MERTK: variants seen among roughly 807,000 people sequenced by gnomAD.
MERTK encodes the protein MER proto-oncogene, tyrosine kinase.
MERTK carries 69 observed loss-of-function variants against 99.3 expected under a neutral mutation model. The observed-to-expected ratio is 0.70, with a 90% CI of 0.57 to 0.85. MERTK has a LOEUF of 0.85. Ranked by LOEUF, MERTK falls within the 40% of genes least tolerant of loss-of-function variation. MERTK has a pLI of 0.00. For missense variants in MERTK, 1,125 were observed against 1,249.4 expected (o/e 0.90, Z 1.50); for synonymous variants, 426 against 467.6 (o/e 0.91, Z 1.15).
intron 2 of MERTK, among the ~76,000 whole-genome samples, chr2:111,932,414 C>T (rs1684690526): frequency 6.6e-6 from 1 of 152,176 alleles, no homozygotes; most frequent in Admixed American, 6.5e-5. Context: ...ATCTCCTGAC[C>T]TCGTGATCCA....
chr2:111,944,534 G>GTTTTAAGGAATTATTCC (rs1573589856), intron 2 of MERTK, among the ~76,000 whole-genome samples: 1 of 23,604 alleles, frequency 4.2e-5, no homozygotes, highest in Non-Finnish European at 9.5e-5. Context: ...TAAGGAATTA[G>GTTTTAAGGAATTATTCC]CTCACACACA....
intron 4 of MERTK, 85 bp downstream of exon 4, chr2:111,947,652 G>C (rs760587134): frequency 6.8e-7 from 1 of 1,472,514 alleles, no homozygotes; most frequent in Admixed American, 1.7e-5. Flanking sequence ...TGCACCACTA[G>C]CAGGCAGTGG....
intron 15 of MERTK, among the ~76,000 whole-genome samples, chr2:112,014,341 T>C (rs1173829301): frequency 1.3e-5 from 2 of 152,048 alleles, no homozygotes; most frequent in Non-Finnish European, 2.9e-5. Flanking sequence ...AATTTTGTAT[T>C]TTTAGTAGAG....
chr2:111,983,583 A>G (rs1243986893), intron 8 of MERTK, among the ~76,000 whole-genome samples: 2 of 152,222 alleles, frequency 1.3e-5, no homozygotes, highest in Admixed American at 1.3e-4. Flanking sequence ...ACTACATAAC[A>G]CAACCAGGTG....
chr2:111,977,946 CTTTT>C, intron 7 of MERTK, among the ~76,000 whole-genome samples: 1 of 151,904 alleles, frequency 6.6e-6, no homozygotes, highest in East Asian at 1.9e-4. Flanking sequence ...AATTACTTTC[CTTTT>C]TTCTTTCTTT....
chr2:111,903,939 G>A (rs1684091261), intron 1 of MERTK, among the ~76,000 whole-genome samples: 1 of 152,238 alleles, frequency 6.6e-6, no homozygotes, highest in African/African-American at 2.4e-5. Flanking sequence ...AAGGTGTTGG[G>A]AGGAGGGTTC....
At chr2:112,000,211 G>A (rs1489969323) in intron 10 of MERTK, among the ~76,000 whole-genome samples, 1 of 152,150 alleles carries the variant, frequency 6.6e-6, no homozygotes, top group African/African-American at 2.4e-5. Flanking sequence ...AGGTCACAGG[G>A]GATATGATGG....
rs187477162 is a variant in MERTK at position 111,957,127 on chromosome 2, C to G, written c.758-8064C>G. Reference sequence around the variant, plus strand: ...TATTTTTAATAGAGGTGGGGTTTCACCGTGTTAGCCAGGATGGTCTCGATC... The same window carrying G: ...TATTTTTAATAGAGGTGGGGTTTCAGCGTGTTAGCCAGGATGGTCTCGATC... On this transcript the variant is annotated intron_variant, in intron 4 of 18. Coordinates refer to ENST00000295408, the MANE Select transcript of MERTK (RefSeq NM_006343.3). Among the ~76,000 whole-genome samples, 214 of 151,914 alleles carry G rather than the reference C, an allele frequency of 1.4e-3. 2 individuals carry two copies. Among genetic ancestry groups the G allele is most frequent in the African/African-American group, 4.6e-3 (191 of 41,400 alleles).
intron 7 of MERTK, 30 bp from the exon 8 acceptor site, chr2:111,982,812 T>C (rs1676398797): frequency 6.2e-7 from 1 of 1,612,572 alleles, no homozygotes. Flanking sequence ...TTTGTGGTTC[T>C]TCATTCTTCT....
chr2:111,969,233 A>G (rs1278401680), intron 6 of MERTK, among the ~76,000 whole-genome samples: 2 of 152,292 alleles, frequency 1.3e-5, no homozygotes, highest in East Asian at 1.9e-4. Context: ...CACACGCTGC[A>G]CTGCAGGCTC....
intron 1 of MERTK, among the ~76,000 whole-genome samples, chr2:111,910,610 G>GTGTGTGTGTATA (rs370882764): frequency 2.4e-4 from 35 of 143,660 alleles, no homozygotes; most frequent in African/African-American, 5.7e-4. Flanking sequence ...GTGTGTGTGT[G>GTGTGTGTGTATA]TATATATATA....
At chr2:111,912,012 T>G (rs531290672) in intron 1 of MERTK, among the ~76,000 whole-genome samples, 3 of 151,540 alleles carry the variant, frequency 2.0e-5, no homozygotes, top group Non-Finnish European at 4.4e-5. Context: ...TTTATTTATT[T>G]ATTTATTTAT....
chr2:111,989,818 CTG>C (rs1370183295), intron 8 of MERTK, among the ~76,000 whole-genome samples: 4 of 152,236 alleles, frequency 2.6e-5, no homozygotes, highest in Admixed American at 2.6e-4. Flanking sequence ...TCAAGATACA[CTG>C]TGTCTTATCT....
At chr2:112,001,593 ACTTC>A (rs1422683453) in intron 11 of MERTK, among the ~76,000 whole-genome samples, 3 of 152,150 alleles carry the variant, frequency 2.0e-5, no homozygotes. Flanking sequence ...TTTAAAGAAA[ACTTC>A]TAACTAGTGA....
At chr2:111,915,574 AT>A (rs1684335772) in intron 1 of MERTK, among the ~76,000 whole-genome samples, 1 of 32,462 alleles carries the variant, frequency 3.1e-5, no homozygotes, top group Admixed American at 4.8e-4. Context: ...ATTTTTTAAA[AT>A]TTTTTTCTTG....
At chr2:112,028,119 C>T (rs6723394) in intron 18 of MERTK, 28,684 of 576,700 alleles carry the variant, frequency 0.05, 1,278 homozygotes, top group African/African-American at 0.18. Context: ...TTAGATATAA[C>T]TGCCACATAT....
intron 8 of MERTK, 41 bp from the exon 9 acceptor site, chr2:111,994,210 A>C: frequency 6.2e-7 from 1 of 1,611,772 alleles, no homozygotes; most frequent in Non-Finnish European, 8.5e-7. Context: ...GTTTGCCCAG[A>C]CCTCAGTGTT....
chr2:111,906,515 A>C (rs1362295728), intron 1 of MERTK, among the ~76,000 whole-genome samples: 1 of 152,160 alleles, frequency 6.6e-6, no homozygotes, highest in African/African-American at 2.4e-5. Context: ...ACTTAACTGA[A>C]AGTTGTTTTC....
rs1573577971 is a variant in MERTK at position 111,929,329 on chromosome 2, C to T, written c.271C>T (p.Leu91=). Residue 91 remains leucine, a synonymous_variant, in exon 2 of 19, where the codon CTA becomes TTA. Transcript: ENST00000295408. ...PQVTSVESKP[L]PPLAFKHTVG... Reference sequence around the variant, plus strand: ...GGTGACCTCTGTCGAATCAAAGCCCCTACCGCCTCTTGCCTTCAAACACAC... The same window carrying T: ...GGTGACCTCTGTCGAATCAAAGCCCTTACCGCCTCTTGCCTTCAAACACAC... The T allele has an allele frequency of 6.2e-7, 1 of 1,614,198 alleles. No individual in the cohort carries two copies. Among genetic ancestry groups the T allele is most frequent in the Non-Finnish European group, 8.5e-7 (1 of 1,180,034 alleles).
Sources: gnomAD v4.1 joint callset for allele counts (sites outside exome capture counted in the v4.1 genomes callset) on GRCh38, gnomAD v4.1.1 for gene constraint, MANE v1.5 for transcripts, NCBI Gene and HGNC (gene_info 2026-07-23, HGNC 2026-07-21) for gene names.